The following ETS1 variants were observed in gnomAD, a reference collection of about 807,000 sequenced individuals.
ETS1 encodes the protein ETS proto-oncogene 1, transcription factor, also known as protein C-ets-1.
In ETS1, 15 loss-of-function variants were observed where a neutral mutation model predicts 58.6. The ratio of observed to expected loss-of-function variants is 0.26; its 90% CI spans 0.17 to 0.39. The LOEUF is 0.39. Among genes scored for constraint, ETS1 ranks in the 10% least tolerant of loss-of-function variants. The pLI is 1.00. For missense variants in ETS1, 417 were observed against 610.5 expected (o/e 0.68, Z 3.34); for synonymous variants, 214 against 218.2 (o/e 0.98, Z 0.17).
At chr11:128,487,541 C>T (rs1472610566) in intron 5 of ETS1, among the ~76,000 whole-genome samples, 1 of 152,084 alleles carries the variant, frequency 6.6e-6, no homozygotes, top group Non-Finnish European at 1.5e-5. Flanking sequence ...GGGATCAAGA[C>T]CATCCTGGCC....
chr11:128,522,210 G>C (rs1434846142), intron 3 of ETS1: 2 of 1,234,732 alleles, frequency 1.6e-6, no homozygotes, highest in East Asian at 3.6e-5. Context: ...AAGTGAGCGC[G>C]CTCGGGTCCC....
intron 2 of ETS1, chr11:128,571,781 G>A (rs896046374): frequency 1.3e-5 from 2 of 152,074 alleles, no homozygotes; most frequent in Admixed American, 6.6e-5. Flanking sequence ...AGTGCTTCAC[G>A]CCTGTAATCC....
At chr11:128,562,912 T>C (rs1864426963) in intron 2 of ETS1, among the ~76,000 whole-genome samples, 1 of 151,688 alleles carries the variant, frequency 6.6e-6, no homozygotes, top group Admixed American at 6.6e-5. Flanking sequence ...CTTAAAGCCA[T>C]TCCTTTTGCT....
chr11:128,546,921 C>T (rs1864141424), intron 3 of ETS1, among the ~76,000 whole-genome samples: 1 of 152,116 alleles, frequency 6.6e-6, no homozygotes, highest in South Asian at 2.1e-4. Flanking sequence ...ACTGAAGCTC[C>T]CCATCCCTAC....
chr11:128,574,342 T>C (rs1864699251), intron 1 of ETS1, among the ~76,000 whole-genome samples: 1 of 152,250 alleles, frequency 6.6e-6, no homozygotes, highest in African/African-American at 2.4e-5. Flanking sequence ...AGATGTAGAA[T>C]GCAGTCAAAA....
intron 5 of ETS1, among the ~76,000 whole-genome samples, chr11:128,487,932 T>C (rs936498915): frequency 1.3e-5 from 2 of 152,120 alleles, no homozygotes; most frequent in Non-Finnish European, 2.9e-5. Context: ...GAAAGCACTT[T>C]GGAAACAGGG....
intron 3 of ETS1, 139 bp from the exon 4 acceptor site, chr11:128,490,715 T>A (rs1862772877): frequency 1.0e-4 from 7 of 68,908 alleles, no homozygotes; most frequent in Non-Finnish European, 1.3e-4. Context: ...GAGCAGGCAA[T>A]TTTTTTTTTT....
At chr11:128,508,920 C>T (rs1003449304) in intron 3 of ETS1, among the ~76,000 whole-genome samples, 18 of 152,158 alleles carry the variant, frequency 1.2e-4, no homozygotes, top group Admixed American at 2.0e-4. Flanking sequence ...CCAAGGCAGT[C>T]GGGGGCAACT....
At chr11:128,584,216 T>TA (rs1864930040) in intron 1 of ETS1, among the ~76,000 whole-genome samples, 2 of 152,210 alleles carry the variant, frequency 1.3e-5, no homozygotes, top group African/African-American at 4.8e-5. Flanking sequence ...TAACAATGAA[T>TA]AAGTAATCCA....
chr11:128,510,590 G>A (rs1341744313), intron 3 of ETS1, among the ~76,000 whole-genome samples: 4 of 152,188 alleles, frequency 2.6e-5, no homozygotes, highest in African/African-American at 4.8e-5. Context: ...GACACACTTC[G>A]TGACCTCACT....
intron 3 of ETS1, among the ~76,000 whole-genome samples, chr11:128,503,732 A>C (rs918829759): frequency 3.3e-5 from 5 of 152,158 alleles, no homozygotes; most frequent in African/African-American, 1.2e-4. Flanking sequence ...CTGCTGAATC[A>C]TCCCAGTGTA....
chr11:128,585,023 GAAAGAAAGAAAA>G (rs1565421033), intron 1 of ETS1, among the ~76,000 whole-genome samples: 2,332 of 8,756 alleles, frequency 0.27, 656 homozygotes, highest in Non-Finnish European at 0.29. Context: ...AAAGAAAGAA[GAAAGAAAGAAAA>G]GAAAGAAAGA....
At chr11:128,558,183 A>C (rs550166703) in intron 2 of ETS1, among the ~76,000 whole-genome samples, 1 of 152,206 alleles carries the variant, frequency 6.6e-6, no homozygotes, top group Non-Finnish European at 1.5e-5. Flanking sequence ...ACTCAGTGGA[A>C]ATGTCACCAG....
chr11:128,509,664 A>G (rs1863340667), intron 3 of ETS1, among the ~76,000 whole-genome samples: 1 of 151,824 alleles, frequency 6.6e-6, no homozygotes, highest in Non-Finnish European at 1.5e-5. Context: ...CAAGCCTGAC[A>G]GAGAACACAT....
chr11:128,586,873 C>T (rs1330908533), intron 1 of ETS1, among the ~76,000 whole-genome samples: 1 of 152,120 alleles, frequency 6.6e-6, no homozygotes, highest in Non-Finnish European at 1.5e-5. Flanking sequence ...CAAGAAATAC[C>T]TCCCTAACTC....
At chr11:128,488,108 C>T (rs1022304079) in intron 5 of ETS1, among the ~76,000 whole-genome samples, 2 of 152,182 alleles carry the variant, frequency 1.3e-5, no homozygotes, top group African/African-American at 4.8e-5. Context: ...AGTCAACAGT[C>T]AAATCAGATC....
intron 5 of ETS1, among the ~76,000 whole-genome samples, chr11:128,489,075 T>C (rs1476963630): frequency 2.0e-5 from 3 of 152,190 alleles, no homozygotes; most frequent in Non-Finnish European, 2.9e-5. Flanking sequence ...TGAAGATTAA[T>C]ATCTGAACCC....
chr11:128,570,671 CA>C (rs1245372580), intron 2 of ETS1, among the ~76,000 whole-genome samples: 5 of 152,152 alleles, frequency 3.3e-5, no homozygotes, highest in Non-Finnish European at 5.9e-5. Flanking sequence ...TCTGAAATCA[CA>C]ATATCATTAT....
chr11:128,556,543 C>A, intron 2 of ETS1, 108 bp from the exon 3 acceptor site: 1 of 716,848 alleles, frequency 1.4e-6, no homozygotes, highest in Non-Finnish European at 2.2e-6. Context: ...TAAGAATCAT[C>A]TATAGATGAT....
Sources: allele counts gnomAD v4.1 joint callset (sites outside exome capture counted in the v4.1 genomes callset), GRCh38; gene constraint gnomAD v4.1.1; transcripts MANE v1.5; gene names NCBI Gene and HGNC (gene_info 2026-07-23, HGNC 2026-07-21).